TRPV1: variants seen among roughly 807,000 people sequenced by gnomAD.
TRPV1 encodes OTRPC1.
TRPV1 carries 82 observed loss-of-function variants against 82.3 expected under a neutral mutation model. The observed-to-expected ratio is 1.00, with a 90% CI of 0.83 to 1.20. The LOEUF (loss-of-function observed/expected upper bound fraction) is 1.20, where lower values mean the gene tolerates loss of function less well. Ranked by LOEUF, TRPV1 falls within the 50% of genes most tolerant of loss-of-function variation. The pLI is 0.00. For synonymous variants in TRPV1, 515 were observed against 467.7 expected, an observed-to-expected ratio of 1.10 and a Z score of -1.30; for missense variants, 1,067 against 1,096.8, an observed-to-expected ratio of 0.97 and a Z score of 0.38.
chr17:3,567,023 AAAAC>A (rs759247953), intron 16 of TRPV1, 36 bp from the exon 17 acceptor site: 1 of 1,605,972 alleles, frequency 6.2e-7, no homozygotes. Flanking sequence ...TGGATGCAAC[AAAAC>A]AAACATTCAC....
At chr17:3,576,668 A>AATATATATATAT (rs1555549458) in intron 13 of TRPV1, among the ~76,000 whole-genome samples, 6 of 38,406 alleles carry the variant, frequency 1.6e-4, no homozygotes, top group South Asian at 2.6e-3. Context: ...AAAAAAAAAA[A>AATATATATATAT]ATATATATAT....
rs766062239 is a variant in TRPV1, at chr17:3,580,425, C to G, written c.1547+32G>C. 1.4e-4 allele frequency: 224 copies of G among 1,613,250 alleles called. 2 individuals carry two copies. In the Middle Eastern group the frequency reaches 1.7e-3, roughly 12 times the overall value. ...AGAACTGATTGCGGTCACCTGGGGA[C>G]TGGACTGGGAATGAGTCAAAGTGTC... On this transcript the variant is annotated intron_variant, in intron 11 of 16. Transcript: ENST00000572705.
intron 2 of TRPV1, among the ~76,000 whole-genome samples, chr17:3,596,628 G>A (rs1193899339): frequency 6.6e-6 from 1 of 152,156 alleles, no homozygotes; most frequent in African/African-American, 2.4e-5. Context: ...GCTGATGCAG[G>A]AGCAACAAGA....
At chr17:3,585,509 C>T (rs2150842201) in intron 9 of TRPV1, 1 of 441,680 alleles carries the variant, frequency 2.3e-6, no homozygotes, top group South Asian at 2.9e-5. Flanking sequence ...AGTCACCACA[C>T]ACTCAGCCCC....
intron 2 of TRPV1, chr17:3,601,976 A>G (rs1310997804): frequency 1.3e-5 from 2 of 152,194 alleles, no homozygotes; most frequent in Non-Finnish European, 2.9e-5. Flanking sequence ...TCATGGCCAC[A>G]ATGATGACAA....
chr17:3,582,233 A>C (rs1373316188), intron 10 of TRPV1, among the ~76,000 whole-genome samples: 1 of 144,872 alleles, frequency 6.9e-6, no homozygotes, highest in Non-Finnish European at 1.5e-5. Context: ...GAGCCTGGGC[A>C]TGGTGATGGC....
At chr17:3,598,712 C>A (rs891785864) in intron 2 of TRPV1, among the ~76,000 whole-genome samples, 1 of 151,404 alleles carries the variant, frequency 6.6e-6, no homozygotes, top group African/African-American at 2.4e-5. Flanking sequence ...ATTACAGGCA[C>A]GTGCCACCAC....
At chr17:3,568,257 G>A (rs2150821303) in intron 16 of TRPV1, among the ~76,000 whole-genome samples, 2 of 151,130 alleles carry the variant, frequency 1.3e-5, no homozygotes, top group East Asian at 1.9e-4. Context: ...GGGAGGTGGA[G>A]CTTGCAGTGA....
At chr17:3,588,003 G>A (rs936108873) in intron 8 of TRPV1, among the ~76,000 whole-genome samples, 185 bp downstream of exon 8, 5 of 152,204 alleles carry the variant, frequency 3.3e-5, no homozygotes, top group South Asian at 2.1e-4. Context: ...TGATAATCAC[G>A]TATGGTTGCT....
chr17:3,579,841 G>A (rs554908152), intron 11 of TRPV1, among the ~76,000 whole-genome samples: 1 of 152,116 alleles, frequency 6.6e-6, no homozygotes, highest in Non-Finnish European at 1.5e-5. Flanking sequence ...GTTCTCAACC[G>A]GGAGTGATTC....
Position 3,588,370 on chromosome 17 carries a change from G to C in TRPV1, c.1045-3C>G. On this transcript the variant is annotated splice_polypyrimidine_tract_variant and splice_region_variant and intron_variant, in intron 7 of 16. Transcript: ENST00000572705. ...CGCTGGAGAATATAGGCCAAGACCTGCCCCCGGGGAGCAAGAGCCCGTCAG... is the reference window on the plus strand; with the variant it reads ...CGCTGGAGAATATAGGCCAAGACCTCCCCCCGGGGAGCAAGAGCCCGTCAG... 1 of 1,552,784 alleles carries C rather than the reference G, an allele frequency of 6.4e-7. No individual in the cohort carries two copies. The highest frequency in any genetic ancestry group is 8.7e-7 in the Non-Finnish European group (1 of 1,147,582).
chr17:3,576,539 G>C (rs1314298545), intron 13 of TRPV1, among the ~76,000 whole-genome samples: 1 of 149,798 alleles, frequency 6.7e-6, no homozygotes, highest in African/African-American at 2.5e-5. Context: ...GTAGTCCCAG[G>C]TACTCGGGAG....
chr17:3,577,548 C>G, intron 12 of TRPV1, 50 bp downstream of exon 12: 1 of 1,545,274 alleles, frequency 6.5e-7, no homozygotes, highest in Non-Finnish European at 8.8e-7. Flanking sequence ...CTCACATGAC[C>G]ACGAGGTAAG....
At chr17:3,585,582 G>T in intron 9 of TRPV1, 186 bp downstream of exon 9, 1 of 697,474 alleles carries the variant, frequency 1.4e-6, no homozygotes, top group Non-Finnish European at 2.3e-6. Flanking sequence ...CTCCTGTACA[G>T]CCTGAGGCAG....
At chr17:3,606,999 A>C (rs1430134781) in intron 2 of TRPV1, among the ~76,000 whole-genome samples, 1 of 152,166 alleles carries the variant, frequency 6.6e-6, no homozygotes, top group Admixed American at 6.5e-5. Flanking sequence ...TCTCTCATGC[A>C]GCCTTCCTCA....
intron 16 of TRPV1, 84 bp from the exon 17 acceptor site, chr17:3,567,071 G>A (rs2074773612): frequency 1.3e-6 from 2 of 1,498,292 alleles, no homozygotes; most frequent in East Asian, 2.4e-5. Flanking sequence ...ATAAAAGGAG[G>A]TCCAAGACAG....
chr17:3,585,632 C>T (rs2075074399), intron 9 of TRPV1, 136 bp downstream of exon 9: 1 of 1,103,308 alleles, frequency 9.1e-7, no homozygotes, highest in East Asian at 2.6e-5. Context: ...CCACGTTCTC[C>T]ATCCATCGCT....
chr17:3,577,703 C>G lies in TRPV1; in HGVS notation c.1608G>C (p.Glu536Asp). The G allele has an allele frequency of 1.3e-6, 2 of 1,590,286 alleles. No homozygotes were observed. Among genetic ancestry groups the G allele is most frequent in the Non-Finnish European group, 1.7e-6 (2 of 1,168,836 alleles). ...TVVLYFSHLK[E>D]YVASMVFSLA... ...GGGAGAATACCATGGAAGCCACATA[C>G]TCCTTGAGGTGGCTGAAGTACAGCA... Residue 536 changes from glutamate to aspartate, a missense_variant, in exon 12 of 17, where the codon GAG becomes GAC. Coordinates refer to ENST00000572705, the MANE Select transcript of TRPV1 (RefSeq NM_080704.4).
rs200444144 is a variant in TRPV1, at chr17:3,590,253, G to A, written c.744C>T (p.Phe248=). 276 of 1,613,682 alleles carry A rather than the reference G, an allele frequency of 1.7e-4. No individual in the cohort carries two copies. The highest frequency in any genetic ancestry group is 2.7e-4 in the East Asian group (12 of 44,894). The part of the protein sequence containing the change: ...KKTKGRPGFY[F]GELPLSLAAC... ...GGGTCTGCCACACTGTCTCCCTACC[G>A]AAGTAGAATCCAGGCCGCCCTTTGG... The change falls in exon 6 of 17, where the codon TTC becomes TTT. Residue 248 remains phenylalanine, a splice_region_variant and synonymous_variant. Coordinates refer to ENST00000572705, the MANE Select transcript of TRPV1 (RefSeq NM_080704.4).
Sources: gnomAD v4.1 joint callset for allele counts (sites outside exome capture counted in the v4.1 genomes callset) on GRCh38, gnomAD v4.1.1 for gene constraint, MANE v1.5 for transcripts, NCBI Gene and HGNC (gene_info 2026-07-23, HGNC 2026-07-21) for gene names.